The following KALRN variants were observed in gnomAD, a reference collection of about 807,000 sequenced individuals.
KALRN encodes kalirin RhoGEF kinase.
In KALRN, 70 loss-of-function variants were observed where a neutral mutation model predicts 353.7. The ratio of observed to expected loss-of-function variants is 0.20; its 90% confidence interval spans 0.16 to 0.24. KALRN has a LOEUF of 0.24. Among genes scored for constraint, KALRN ranks in the 10% least tolerant of loss-of-function variants. KALRN has a pLI of 1.00. For synonymous variants in KALRN, 1,391 were observed against 1,434.8 expected (o/e 0.97, Z 0.69); for missense variants, 2,791 against 3,756.7 (o/e 0.74, Z 6.72).
intron 1 of KALRN, chr3:124,095,004 G>A (rs955402946): frequency 8.8e-7 from 1 of 1,136,920 alleles, no homozygotes; most frequent in Non-Finnish European, 1.3e-6. Context: ...AGAGGGGAGG[G>A]GGGTCAAGAA....
At chr3:124,456,295 G>A (rs545732333) in intron 22 of KALRN, among the ~76,000 whole-genome samples, 9 of 152,056 alleles carry the variant, frequency 5.9e-5, no homozygotes, top group Non-Finnish European at 1.0e-4. Flanking sequence ...ACTAATTTAC[G>A]GGTGTGTTTA....
chr3:124,305,694 G>A (rs1289071558), intron 6 of KALRN, among the ~76,000 whole-genome samples: 2 of 91,576 alleles, frequency 2.2e-5, no homozygotes, highest in Non-Finnish European at 2.5e-5. Flanking sequence ...GGAGCTGTGG[G>A]GGAGTGGGAA....
At chr3:124,501,429 G>T (rs891893383) in intron 33 of KALRN, among the ~76,000 whole-genome samples, 1 of 152,180 alleles carries the variant, frequency 6.6e-6, no homozygotes. Flanking sequence ...TCACATCAAT[G>T]TAGTGGGTCA....
intron 9 of KALRN, among the ~76,000 whole-genome samples, chr3:124,346,676 G>A (rs545625888): frequency 6.6e-6 from 1 of 152,142 alleles, no homozygotes; most frequent in Non-Finnish European, 1.5e-5. Context: ...AGTCCCCGGA[G>A]CACAATGAGG....
intron 10 of KALRN, among the ~76,000 whole-genome samples, chr3:124,382,288 G>T (rs898556566): frequency 1.3e-5 from 2 of 152,040 alleles, no homozygotes; most frequent in African/African-American, 2.4e-5. Context: ...CTTTTCTTCA[G>T]CATCTATATC....
intron 34 of KALRN, among the ~76,000 whole-genome samples, chr3:124,621,181 T>A (rs546694123): frequency 7.2e-5 from 11 of 152,342 alleles, no homozygotes; most frequent in Admixed American, 7.2e-4. Flanking sequence ...CTCAGATATC[T>A]GTACACATTC....
At chr3:124,158,752 G>C (rs974504199) in intron 1 of KALRN, among the ~76,000 whole-genome samples, 1 of 152,164 alleles carries the variant, frequency 6.6e-6, no homozygotes, top group African/African-American at 2.4e-5. Flanking sequence ...TTACGGCAAT[G>C]GATGGGGATT....
chr3:124,438,851 A>G, intron 17 of KALRN, 37 bp from the exon 18 acceptor site: 1 of 1,584,120 alleles, frequency 6.3e-7, no homozygotes, highest in Non-Finnish European at 8.6e-7. Context: ...TTCCTGAATA[A>G]TTAATTTACT....
chr3:124,034,100 A>G (rs1032750162), intron 1 of KALRN, among the ~76,000 whole-genome samples: 1 of 152,090 alleles, frequency 6.6e-6, no homozygotes, highest in African/African-American at 2.4e-5. Flanking sequence ...GCCTTCTCCC[A>G]GAGCGCGGGG....
At chr3:124,219,436 A>G (rs1003165956) in intron 1 of KALRN, among the ~76,000 whole-genome samples, 1 of 152,186 alleles carries the variant, frequency 6.6e-6, no homozygotes, top group African/African-American at 2.4e-5. Context: ...CAGAGTTGAG[A>G]GAAGGTAGAC....
intron 14 of KALRN, among the ~76,000 whole-genome samples, chr3:124,417,482 C>A (rs16835378): frequency 0.061 from 9,357 of 152,234 alleles, 671 homozygotes; most frequent in African/African-American, 0.16. Context: ...ATTTACACAA[C>A]GCGTTAAGTT....
At chr3:124,383,230 C>T (rs1434476152) in intron 10 of KALRN, among the ~76,000 whole-genome samples, 1 of 152,190 alleles carries the variant, frequency 6.6e-6, no homozygotes, top group Non-Finnish European at 1.5e-5. Context: ...CCATCTTCCC[C>T]AGGTCCTATG....
At chr3:124,557,536 G>A (rs770402894) in intron 33 of KALRN, among the ~76,000 whole-genome samples, 12 of 152,176 alleles carry the variant, frequency 7.9e-5, no homozygotes, top group Admixed American at 3.9e-4. Context: ...TTTTGCACAG[G>A]AGTTGGCAGG....
At chr3:124,461,507 G>A (rs2059857292) in intron 23 of KALRN, among the ~76,000 whole-genome samples, 1 of 152,028 alleles carries the variant, frequency 6.6e-6, no homozygotes, top group Non-Finnish European at 1.5e-5. Flanking sequence ...GGAGAAATGT[G>A]GAAAGCTGAG....
At chr3:124,283,794 C>G (rs921222750) in intron 5 of KALRN, among the ~76,000 whole-genome samples, 21 of 141,518 alleles carry the variant, frequency 1.5e-4, no homozygotes, top group African/African-American at 4.7e-4. Flanking sequence ...CTCCAGACAG[C>G]TGCTGAACTG....
At chr3:124,459,670 A>C (rs913559023) in intron 23 of KALRN, among the ~76,000 whole-genome samples, 1 of 152,238 alleles carries the variant, frequency 6.6e-6, no homozygotes, top group African/African-American at 2.4e-5. Context: ...TGCTGGAGTT[A>C]CAAAGTAACA....
At chr3:124,344,139 A>G (rs1438154871) in intron 9 of KALRN, among the ~76,000 whole-genome samples, 1 of 152,224 alleles carries the variant, frequency 6.6e-6, no homozygotes, top group African/African-American at 2.4e-5. Flanking sequence ...CAGGAATAAG[A>G]TTATAAGGAG....
At chr3:124,103,017 A>G (rs1000299516) in intron 1 of KALRN, among the ~76,000 whole-genome samples, 1 of 152,190 alleles carries the variant, frequency 6.6e-6, no homozygotes, top group African/African-American at 2.4e-5. Context: ...CTAAGGGAAA[A>G]GTCAAGATCC....
At chr3:124,594,416 G>A (rs1172291181) in intron 34 of KALRN, among the ~76,000 whole-genome samples, 3 of 152,140 alleles carry the variant, frequency 2.0e-5, no homozygotes, top group Admixed American at 2.0e-4. Flanking sequence ...AGTAGAGATG[G>A]GGTTTCACCA....
Sources: gnomAD v4.1 joint callset for allele counts (sites outside exome capture counted in the v4.1 genomes callset) on GRCh38, gnomAD v4.1.1 for gene constraint, MANE v1.5 for transcripts, NCBI Gene and HGNC (gene_info 2026-07-23, HGNC 2026-07-21) for gene names.